NCKAP5: variants seen among roughly 807,000 people sequenced by gnomAD.
The protein encoded by NCKAP5 is NCK associated protein 5.
A neutral mutation model predicts 167.0 loss-of-function variants in NCKAP5; 92 were observed. That is an observed-to-expected ratio of 0.55 (90% CI 0.47 to 0.66). The LOEUF (loss-of-function observed/expected upper bound fraction) is 0.66, where lower values mean the gene tolerates loss of function less well. NCKAP5 is among the 30% of genes least tolerant of loss of function. The probability of loss-of-function intolerance (pLI) is 0.00; values close to 1 mark genes in which losing one functional copy is unlikely to be tolerated. For synonymous variants in NCKAP5, 891 were observed against 877.4 expected (o/e 1.02, Z -0.27); for missense variants, 2,378 against 2,315.0 (o/e 1.03, Z -0.56).
At chr2:133,437,235 C>T (rs1690543541) in intron 3 of NCKAP5, among the ~76,000 whole-genome samples, 1 of 151,986 alleles carries the variant, frequency 6.6e-6, no homozygotes, top group Non-Finnish European at 1.5e-5. Flanking sequence ...CGCCTGTAAT[C>T]CCAACTACTC....
chr2:133,610,307 A>G, the NCKAP5 span, among the ~76,000 whole-genome samples: 1 of 152,346 alleles, frequency 6.6e-6, no homozygotes, highest in East Asian at 1.9e-4. Context: ...CAAAAGAGGC[A>G]ATAAACTGGG....
intron 6 of NCKAP5, among the ~76,000 whole-genome samples, chr2:133,076,041 T>C (rs940984062): frequency 3.3e-5 from 5 of 152,178 alleles, no homozygotes; most frequent in Admixed American, 2.6e-4. Flanking sequence ...AAAAGAAAGT[T>C]GGGCAATGTT....
At chr2:133,300,319 C>T (rs1415122201) in intron 4 of NCKAP5, among the ~76,000 whole-genome samples, 2 of 133,026 alleles carry the variant, frequency 1.5e-5, no homozygotes, top group Admixed American at 7.2e-5. Context: ...GGCAGAGACA[C>T]AACCAAAAAA....
intron 7 of NCKAP5, among the ~76,000 whole-genome samples, chr2:132,968,136 G>T (rs1207094711): frequency 6.6e-6 from 1 of 152,170 alleles, no homozygotes; most frequent in Non-Finnish European, 1.5e-5. Context: ...GGACCATAGA[G>T]GGTCTTTCTA....
At chr2:132,862,795 G>A (rs982082093) in intron 10 of NCKAP5, among the ~76,000 whole-genome samples, 3 of 151,302 alleles carry the variant, frequency 2.0e-5, no homozygotes, top group Admixed American at 1.3e-4. Context: ...AAAAACAAAG[G>A]TGAAACTTTC....
At chr2:132,713,766 A>G (rs1041497064) in intron 19 of NCKAP5, among the ~76,000 whole-genome samples, 1 of 152,100 alleles carries the variant, frequency 6.6e-6, no homozygotes, top group Non-Finnish European at 1.5e-5. Flanking sequence ...GTAGAAGAAG[A>G]AACATTCTGT....
At chr2:133,206,860 G>C (rs972917668) in intron 5 of NCKAP5, among the ~76,000 whole-genome samples, 1 of 152,098 alleles carries the variant, frequency 6.6e-6, no homozygotes, top group Admixed American at 6.5e-5. Context: ...TGCTCTGGGA[G>C]TGTCTGTCTT....
chr2:133,514,124 G>A (rs192639574), intron 3 of NCKAP5, among the ~76,000 whole-genome samples: 2 of 152,304 alleles, frequency 1.3e-5, no homozygotes, highest in Admixed American at 6.5e-5. Context: ...TGTACTTGCC[G>A]TGAACGTATA....
chr2:133,435,355 A>T (rs970530545), intron 3 of NCKAP5, among the ~76,000 whole-genome samples: 1 of 152,224 alleles, frequency 6.6e-6, no homozygotes, highest in Admixed American at 6.5e-5. Flanking sequence ...TAGTAGTCAT[A>T]TCACTCACCA....
At chr2:133,253,720 T>C (rs953795643) in intron 4 of NCKAP5, among the ~76,000 whole-genome samples, 3 of 152,180 alleles carry the variant, frequency 2.0e-5, no homozygotes, top group African/African-American at 7.2e-5. Context: ...AAAATGAAGA[T>C]GCAGGCCAAG....
At chr2:133,611,653 C>T in the NCKAP5 span, among the ~76,000 whole-genome samples, 5 of 152,084 alleles carry the variant, frequency 3.3e-5, no homozygotes, top group African/African-American at 1.2e-4. Context: ...AACTATTCTA[C>T]CAAAGATAAA....
chr2:132,986,727 C>A (rs2077300208), intron 7 of NCKAP5, among the ~76,000 whole-genome samples: 1 of 152,148 alleles, frequency 6.6e-6, no homozygotes, highest in South Asian at 2.1e-4. Flanking sequence ...TCAACCCTAA[C>A]TTTTCTCTCC....
At chr2:132,802,964 A>C (rs1685153565) in intron 11 of NCKAP5, among the ~76,000 whole-genome samples, 1 of 152,226 alleles carries the variant, frequency 6.6e-6, no homozygotes, top group Non-Finnish European at 1.5e-5. Flanking sequence ...TATTCCATTA[A>C]GAATTTATTA....
chr2:133,660,906 C>G, the NCKAP5 span, among the ~76,000 whole-genome samples: 2,177 of 151,478 alleles, frequency 0.014, 60 homozygotes, highest in African/African-American at 0.05. Flanking sequence ...GTGTAGAAAA[C>G]CTGAATGATT....
chr2:133,323,264 A>T (rs1553615826), intron 3 of NCKAP5, among the ~76,000 whole-genome samples: 1 of 152,172 alleles, frequency 6.6e-6, no homozygotes, highest in Non-Finnish European at 1.5e-5. Context: ...TTAAATCAGG[A>T]AATGCATGCA....
intron 8 of NCKAP5, among the ~76,000 whole-genome samples, chr2:132,895,103 G>T (rs537775360): frequency 6.6e-6 from 1 of 152,110 alleles, no homozygotes; most frequent in East Asian, 1.9e-4. Flanking sequence ...AGGCCAAGGC[G>T]GGCGGATCAC....
chr2:133,116,487 CAAAAAAAA>C (rs1176731938), intron 6 of NCKAP5, among the ~76,000 whole-genome samples: 10 of 7,144 alleles, frequency 1.4e-3, no homozygotes, highest in Admixed American at 5.9e-3. Flanking sequence ...GACTCCGTCT[CAAAAAAAA>C]AAAAAAAAAA....
chr2:133,529,089 T>A (rs1278067413), intron 2 of NCKAP5, among the ~76,000 whole-genome samples: 1 of 152,236 alleles, frequency 6.6e-6, no homozygotes, highest in Non-Finnish European at 1.5e-5. Context: ...ACCCTCCTAG[T>A]TACAGCCTTT....
Position 132,731,880 on chromosome 2 carries a change from T to C in NCKAP5, c.5300A>G (p.Gln1767Arg). ...GGAAGGCACTTCACGTTCAAGGGTT[T>C]GGGCTCTCATGGAAGAAACTGCAGA... ...ALSAVSSMRA[Q>R]TLEREVPSST... Residue 1767 changes from glutamine to arginine, a missense_variant, in exon 17 of 20, where the codon CAA becomes CGA. By Grantham distance (43) the Gln-to-Arg change is conservative (BLOSUM62 1). Coordinates refer to ENST00000409261, the MANE Select transcript of NCKAP5 (RefSeq NM_207363.3). 1 of 1,613,902 alleles carries C rather than the reference T, an allele frequency of 6.2e-7. No homozygotes were observed. The highest frequency in any genetic ancestry group is 8.5e-7 in the Non-Finnish European group (1 of 1,179,874).
Sources: allele counts gnomAD v4.1 joint callset (sites outside exome capture counted in the v4.1 genomes callset), GRCh38; gene constraint gnomAD v4.1.1; transcripts MANE v1.5; gene names NCBI Gene and HGNC (gene_info 2026-07-23, HGNC 2026-07-21).